RAD51B: variants seen among roughly 807,000 people sequenced by gnomAD.
The protein encoded by RAD51B is DNA repair protein RAD51 homolog 2.
RAD51B carries 38 observed loss-of-function variants against 42.2 expected under a neutral mutation model. The ratio of observed to expected loss-of-function variants is 0.90; its 90% confidence interval spans 0.70 to 1.18. The LOEUF is 1.18. RAD51B is among the 50% of genes most tolerant of loss of function. RAD51B has a pLI of 0.00. For missense variants in RAD51B, 373 were observed against 400.7 expected, an observed-to-expected ratio of 0.93 and a Z score of 0.59; for synonymous variants, 154 against 145.2, an observed-to-expected ratio of 1.06 and a Z score of -0.43.
chr14:67,975,644 A>T lies in RAD51B; in HGVS notation c.756+88440A>T, dbSNP rs148257621. ...ATTTATGGACAGAAAAAGGAAAGTG[A>T]CGTACAGAAAACAAAATAGAGGTAC... On this transcript the variant is annotated intron_variant, in intron 7 of 10. Coordinates refer to ENST00000471583, the MANE Select transcript of RAD51B (RefSeq NM_133510.4). Among the ~76,000 whole-genome samples the T allele has an allele frequency of 6.6e-5, 10 of 152,348 alleles. No homozygotes were observed. The East Asian group carries it at 1.9e-3, about 29-fold the overall frequency.
chr14:67,893,735 T>A (rs905635641), intron 7 of RAD51B, among the ~76,000 whole-genome samples: 1 of 152,038 alleles, frequency 6.6e-6, no homozygotes, highest in African/African-American at 2.4e-5. Context: ...GTTTTATGAG[T>A]AGAAGTTGGC....
At chr14:67,960,627 T>C (rs1398542457) in intron 7 of RAD51B, among the ~76,000 whole-genome samples, 2 of 152,234 alleles carry the variant, frequency 1.3e-5, no homozygotes, top group African/African-American at 2.4e-5. Flanking sequence ...CTTAGATATA[T>C]TAATTAACAA....
At chr14:68,425,953 T>C (rs145265756) in intron 9 of RAD51B, among the ~76,000 whole-genome samples, 6,293 of 102,634 alleles carry the variant, frequency 0.061, 401 homozygotes, top group African/African-American at 0.2. Flanking sequence ...TCTTTCTTTC[T>C]TTCTTTCTTT....
intron 7 of RAD51B, among the ~76,000 whole-genome samples, chr14:68,157,211 C>A (rs925796353): frequency 1.3e-5 from 2 of 151,908 alleles, no homozygotes; most frequent in African/African-American, 4.8e-5. Flanking sequence ...ACAAAATAAG[C>A]AAAAGGGACT....
At chr14:68,332,671 C>T (rs973921733) in intron 8 of RAD51B, among the ~76,000 whole-genome samples, 4 of 152,210 alleles carry the variant, frequency 2.6e-5, no homozygotes, top group Non-Finnish European at 5.9e-5. Flanking sequence ...TCTAGGCTGT[C>T]TCTAGTTAGC....
chr14:67,993,831 T>G (rs924119908), intron 7 of RAD51B, among the ~76,000 whole-genome samples: 1 of 152,174 alleles, frequency 6.6e-6, no homozygotes, highest in African/African-American at 2.4e-5. Context: ...GGTTCTCTAG[T>G]AAACAATTAT....
intron 8 of RAD51B, among the ~76,000 whole-genome samples, chr14:68,347,833 G>A (rs1010816243): frequency 2.0e-4 from 31 of 152,206 alleles, no homozygotes; most frequent in Non-Finnish European, 1.9e-4. Context: ...GGGAATCCAA[G>A]GCAGAATATA....
At chr14:68,158,913 A>G (rs1434382363) in intron 7 of RAD51B, among the ~76,000 whole-genome samples, 1 of 152,242 alleles carries the variant, frequency 6.6e-6, no homozygotes, top group Non-Finnish European at 1.5e-5. Flanking sequence ...ACTTATTTAA[A>G]CAAAAGTTGA....
intron 10 of RAD51B, among the ~76,000 whole-genome samples, chr14:68,511,760 G>A (rs1158408084): frequency 2.6e-5 from 4 of 152,038 alleles, no homozygotes; most frequent in South Asian, 2.1e-4. Flanking sequence ...TTTACAGATA[G>A]GGAAACTGAG....
downstream of RAD51B, chr14:68,596,060 C>A: frequency 9.6e-7 from 1 of 1,041,266 alleles, no homozygotes; most frequent in Non-Finnish European, 1.2e-6. Flanking sequence ...AGATGTGTTT[C>A]CTGTTTCTTA....
At chr14:68,471,686 C>G (rs1566903333) in intron 10 of RAD51B, among the ~76,000 whole-genome samples, 1 of 119,090 alleles carries the variant, frequency 8.4e-6, no homozygotes, top group Non-Finnish European at 1.8e-5. Flanking sequence ...GAACTATTCT[C>G]CTTTTGCAAA....
chr14:68,018,655 A>G (rs1449488903), intron 7 of RAD51B, among the ~76,000 whole-genome samples: 4 of 152,132 alleles, frequency 2.6e-5, no homozygotes, highest in Non-Finnish European at 5.9e-5. Flanking sequence ...TATCTTATTC[A>G]TTTTACTTGA....
intron 10 of RAD51B, among the ~76,000 whole-genome samples, chr14:68,505,497 G>A (rs935807982): frequency 2.0e-5 from 3 of 151,126 alleles, no homozygotes; most frequent in Non-Finnish European, 4.4e-5. Context: ...GATGCATTAA[G>A]TCCCATCTGG....
In RAD51B at chr14:67,865,087, T is replaced by C; in HGVS notation, c.400T>C (p.Leu134=). The C allele has an allele frequency of 2.5e-6, 4 of 1,604,250 alleles. No individual in the cohort carries two copies. Among genetic ancestry groups the C allele is most frequent in the Non-Finnish European group, 3.4e-6 (4 of 1,175,486 alleles). ...TACATTACCCACCAACATGGGAGGATTAGAAGGAGCTGTGGTGTACATTGA... is the reference window on the plus strand; with the variant it reads ...TACATTACCCACCAACATGGGAGGACTAGAAGGAGCTGTGGTGTACATTGA... ...LATLPTNMGG[L]EGAVVYIDTE... Residue 134 remains leucine, a synonymous_variant, in exon 5 of 11, where the codon TTA becomes CTA. Transcript: ENST00000471583.
chr14:68,348,772 G>A (rs1451104889), intron 8 of RAD51B, among the ~76,000 whole-genome samples: 5 of 152,196 alleles, frequency 3.3e-5, no homozygotes, highest in East Asian at 1.9e-4. Flanking sequence ...GGTGGGGGGC[G>A]CCTGTAGTCC....
At chr14:68,253,312 A>C (rs887269249) in intron 7 of RAD51B, among the ~76,000 whole-genome samples, 1 of 151,972 alleles carries the variant, frequency 6.6e-6, no homozygotes, top group Admixed American at 6.6e-5. Context: ...TATACTTAAG[A>C]TATTTCCTCA....
chr14:67,958,422 G>A (rs1347488496), intron 7 of RAD51B, among the ~76,000 whole-genome samples: 2 of 152,146 alleles, frequency 1.3e-5, no homozygotes, highest in Non-Finnish European at 2.9e-5. Flanking sequence ...CCACCACAAA[G>A]AGGCACTCTC....
intron 7 of RAD51B, among the ~76,000 whole-genome samples, chr14:68,226,198 T>G (rs1023059811): frequency 9.9e-5 from 15 of 152,216 alleles, no homozygotes; most frequent in African/African-American, 3.6e-4. Flanking sequence ...GTTCTTATAC[T>G]TGTCACTTAA....
At chr14:68,632,411 A>G (rs532840480) in intron 10 of RAD51B, among the ~76,000 whole-genome samples, 1 of 152,252 alleles carries the variant, frequency 6.6e-6, no homozygotes, top group Admixed American at 6.5e-5. Flanking sequence ...GCCGTCTGGG[A>G]CTGTGATGTG....
Sources: gnomAD v4.1 joint callset for allele counts (sites outside exome capture counted in the v4.1 genomes callset) on GRCh38, gnomAD v4.1.1 for gene constraint, MANE v1.5 for transcripts, NCBI Gene and HGNC (gene_info 2026-07-23, HGNC 2026-07-21) for gene names.